Variants in WNK2 observed in about 807,000 individuals in gnomAD.
The protein encoded by WNK2 is serine/threonine-protein kinase WNK2.
A neutral mutation model predicts 192.1 loss-of-function variants in WNK2; 67 were observed. That is an observed-to-expected ratio of 0.35 (90% CI 0.29 to 0.43). WNK2 has a LOEUF of 0.43. WNK2 is among the 20% of genes least tolerant of loss of function. The probability of loss-of-function intolerance (pLI) is 1.00; values close to 1 mark genes in which losing one functional copy is unlikely to be tolerated. For missense variants in WNK2, 2,698 were observed against 3,089.7 expected, an observed-to-expected ratio of 0.87 and a Z score of 3.01; for synonymous variants, 1,439 against 1,393.9, an observed-to-expected ratio of 1.03 and a Z score of -0.72.
chr9:93,238,268 T>C lies in WNK2; in HGVS notation c.1269T>C (p.Asp423=), dbSNP rs775199210. The C allele has an allele frequency of 1.2e-6, 2 of 1,613,970 alleles. No homozygotes were observed. Among genetic ancestry groups the C allele is most frequent in the South Asian group, 2.2e-5 (2 of 91,084 alleles). ...IKPASFEKVH[D]PEIKEIIGEC... is the part of the protein sequence containing the mutation. ...CGGCCAGCTTTGAGAAAGTGCACGATCCTGAAATCAAGGAGATTATTGGGG... is the reference window on the plus strand; with the variant it reads ...CGGCCAGCTTTGAGAAAGTGCACGACCCTGAAATCAAGGAGATTATTGGGG... The change falls in exon 6 of 30, where the codon GAT becomes GAC. Residue 423 remains aspartate, a synonymous_variant. Transcript: ENST00000427277.
intron 19 of WNK2, among the ~76,000 whole-genome samples, chr9:93,275,200 C>T (rs1225809051): frequency 6.6e-6 from 1 of 152,108 alleles, no homozygotes; most frequent in African/African-American, 2.4e-5. Context: ...TGACTAAATA[C>T]AACATCCATT....
intron 25 of WNK2, 107 bp downstream of exon 25, chr9:93,299,368 A>G: frequency 8.1e-7 from 1 of 1,227,400 alleles, no homozygotes; most frequent in African/African-American, 1.5e-5. Context: ...AGCTGTGGCA[A>G]AGGCTGTTGA....
chr9:93,242,342 C>T (rs1256147361), intron 7 of WNK2, among the ~76,000 whole-genome samples: 1 of 152,248 alleles, frequency 6.6e-6, no homozygotes, highest in East Asian at 1.9e-4. Flanking sequence ...GAAGCCTCTG[C>T]TATGAGCAGA....
chr9:93,311,609 T>TTTTGTGTGTGTGTG (rs754885668), intron 28 of WNK2, among the ~76,000 whole-genome samples: 1 of 30,712 alleles, frequency 3.3e-5, no homozygotes, highest in African/African-American at 8.0e-5. Flanking sequence ...CTGGGTTTTT[T>TTTTGTGTGTGTGTG]TGTTTGTGTG....
Position 93,185,400 on chromosome 9 carries a change from G to T in WNK2, c.471G>T (p.Gly157=). The T allele has an allele frequency of 6.2e-7, 1 of 1,603,726 alleles. No individual in the cohort carries two copies. The highest frequency in any genetic ancestry group is 8.5e-7 in the Non-Finnish European group (1 of 1,176,330). ...AAATVRKEDE[G]AAEAKPEPGR... ...CGACCGTGAGGAAGGAGGATGAGGG[G>T]GCGGCCGAGGCGAAGCCTGAGCCCG... is the stretch of plus-strand genomic sequence containing the variant. Residue 157 remains glycine, a synonymous_variant, in exon 2 of 30, where the codon GGG becomes GGT. Coordinates refer to ENST00000427277, the MANE Select transcript of WNK2 (RefSeq NM_006648.4).
rs545807681 is a variant in WNK2 at position 93,256,897 on chromosome 9, C to T, written c.2191-51C>T. 41 of 1,489,028 alleles carry T rather than the reference C, an allele frequency of 2.8e-5. No homozygotes were observed. In the East Asian group the frequency reaches 7.6e-4, roughly 28 times the overall value. The allele number at this position is 1,489,028 out of a possible 1,614,324, so 92.2% of individuals were successfully genotyped here. On this transcript the variant is annotated intron_variant, in intron 10 of 29. Coordinates refer to ENST00000427277, the MANE Select transcript of WNK2 (RefSeq NM_006648.4). ...TGTCATGTGTAACCAGTGGGGTGCG[C>T]TTGTCTGGGCAGATTGGTGGTCTAA...
intron 28 of WNK2, among the ~76,000 whole-genome samples, chr9:93,313,397 TA>T (rs202199137): frequency 0.01 from 1,460 of 143,948 alleles, 10 homozygotes; most frequent in East Asian, 0.036. Flanking sequence ...CCTGTATCTT[TA>T]AAAAAAAAAA....
At position 93,239,627 on chromosome 9, in the gene WNK2, C is replaced by T; in HGVS notation, c.1323-130C>T. 1 of 713,526 alleles carries T rather than the reference C, an allele frequency of 1.4e-6. No homozygotes were observed. The highest frequency in any genetic ancestry group is 1.9e-5 in the South Asian group (1 of 52,342). 44.2% of individuals were successfully genotyped at this position (713,526 alleles called of 1,614,324 possible). A position where few individuals can be genotyped will look rare whatever the true frequency, so the allele number is the denominator to read the frequency against. ...AATCTTTTCTTTACCCCTGGGAGTG[C>T]TGAGACATGAGGCCTGGCCTCAGGC... On this transcript the variant is annotated intron_variant, in intron 6 of 29. Coordinates refer to ENST00000427277, the MANE Select transcript of WNK2 (RefSeq NM_006648.4). The surrounding 1 kb of genome is among the most constrained non-coding windows in gnomAD (Gnocchi z 4.2).
chr9:93,261,394 TC>T (rs1382207269), intron 12 of WNK2, among the ~76,000 whole-genome samples: 3 of 152,174 alleles, frequency 2.0e-5, no homozygotes, highest in Non-Finnish European at 1.5e-5. Context: ...GCAGTCGCCC[TC>T]CAGGAGGCGG....
intron 13 of WNK2, among the ~76,000 whole-genome samples, 158 bp from the exon 14 acceptor site, chr9:93,262,512 T>C (rs7854000): frequency 0.96 from 146,864 of 152,358 alleles, 70,842 homozygotes; most frequent in African/African-American, 0.99. Flanking sequence ...TGACGCCCCC[T>C]GGGTCGTACC....
intron 26 of WNK2, among the ~76,000 whole-genome samples, chr9:93,301,385 G>T (rs1851592707): frequency 1.3e-5 from 2 of 152,208 alleles, no homozygotes; most frequent in South Asian, 4.1e-4. Flanking sequence ...GTCCATGTGG[G>T]TCATCATTCT....
intron 27 of WNK2, 132 bp from the exon 28 acceptor site, chr9:93,308,196 T>C: frequency 6.9e-7 from 1 of 1,443,280 alleles, no homozygotes; most frequent in Non-Finnish European, 9.1e-7. Context: ...GACCGCCTCT[T>C]GAAGCAAGGT....
At chr9:93,194,862 T>C (rs557164925) in intron 2 of WNK2, among the ~76,000 whole-genome samples, 5 of 152,272 alleles carry the variant, frequency 3.3e-5, no homozygotes, top group African/African-American at 1.2e-4. Context: ...GACAATGCAA[T>C]CTTATTTAGT....
chr9:93,283,712 A>C (rs1165556845), intron 19 of WNK2, among the ~76,000 whole-genome samples: 2 of 152,260 alleles, frequency 1.3e-5, no homozygotes, highest in East Asian at 3.9e-4. Flanking sequence ...CCCTTTTTGA[A>C]AGGTTTCATA....
At chr9:93,244,136 G>C (rs558126733) in intron 7 of WNK2, among the ~76,000 whole-genome samples, 1 of 152,370 alleles carries the variant, frequency 6.6e-6, no homozygotes, top group African/African-American at 2.4e-5. Context: ...TTAGGTCTTA[G>C]AGGTGTTCTG....
intron 2 of WNK2, among the ~76,000 whole-genome samples, chr9:93,217,894 C>A (rs1159884843): frequency 6.6e-6 from 1 of 152,164 alleles, no homozygotes; most frequent in Non-Finnish European, 1.5e-5. Flanking sequence ...GAAGTGAGGC[C>A]TAGGTGACTT....
At chr9:93,286,797 A>T (rs1848501670) in intron 19 of WNK2, among the ~76,000 whole-genome samples, 1 of 152,256 alleles carries the variant, frequency 6.6e-6, no homozygotes, top group Non-Finnish European at 1.5e-5. Flanking sequence ...AGAAAATGTG[A>T]TATGTTTGCA....
At chr9:93,318,811 G>A in intron 29 of WNK2, 1 of 1,409,272 alleles carries the variant, frequency 7.1e-7, no homozygotes, top group Non-Finnish European at 9.2e-7. Context: ...TCCCCAGTGG[G>A]CACAACACAG....
intron 26 of WNK2, among the ~76,000 whole-genome samples, chr9:93,305,076 G>A (rs528226489): frequency 6.6e-6 from 1 of 152,312 alleles, no homozygotes; most frequent in South Asian, 2.1e-4. Flanking sequence ...GTTCCCAGCC[G>A]GCAGCCGGCC....
Sources: gnomAD v4.1 joint callset for allele counts (sites outside exome capture counted in the v4.1 genomes callset) on GRCh38, gnomAD v4.1.1 for gene constraint, Gnocchi (gnomAD v3.1) non-coding constraint, MANE v1.5 for transcripts, NCBI Gene and HGNC (gene_info 2026-07-23, HGNC 2026-07-21) for gene names.